The following IPCEF1 variants were observed in gnomAD, a reference collection of about 807,000 sequenced individuals.
The protein encoded by IPCEF1 is interactor protein for cytohesin exchange factors 1.
IPCEF1 carries 31 observed loss-of-function variants against 50.9 expected under a neutral mutation model. The ratio of observed to expected loss-of-function variants is 0.61; its 90% CI spans 0.46 to 0.82. The LOEUF is 0.82. Ranked by LOEUF, IPCEF1 falls within the 40% of genes least tolerant of loss-of-function variation. IPCEF1 has a pLI of 0.00. For missense variants in IPCEF1, 458 were observed against 514.0 expected, an observed-to-expected ratio of 0.89 and a Z score of 1.05; for synonymous variants, 181 against 192.0, an observed-to-expected ratio of 0.94 and a Z score of 0.47.
intron 3 of IPCEF1, among the ~76,000 whole-genome samples, chr6:154,256,191 C>T (rs949332047): frequency 6.6e-6 from 1 of 152,086 alleles, no homozygotes; most frequent in African/African-American, 2.4e-5. Context: ...CTGGTGAGGG[C>T]CCTCTTACTG....
intron 5 of IPCEF1, among the ~76,000 whole-genome samples, chr6:154,226,616 A>G (rs1779272215): frequency 6.6e-6 from 1 of 152,184 alleles, no homozygotes; most frequent in South Asian, 2.1e-4. Flanking sequence ...GAATTACCGC[A>G]AAAGTCTCCT....
intron 7 of IPCEF1, among the ~76,000 whole-genome samples, chr6:154,215,965 T>C (rs956449334): frequency 6.6e-6 from 1 of 152,230 alleles, no homozygotes; most frequent in African/African-American, 2.4e-5. Context: ...AAAAATATTA[T>C]TGATTTCAAG....
intron 1 of IPCEF1, among the ~76,000 whole-genome samples, chr6:154,323,952 T>C (rs1383701780): frequency 6.6e-6 from 1 of 152,160 alleles, no homozygotes; most frequent in East Asian, 1.9e-4. Context: ...AAACTCCATC[T>C]TAAAAATACA....
At chr6:154,174,290 T>C (rs1226777342) in intron 10 of IPCEF1, among the ~76,000 whole-genome samples, 1 of 152,170 alleles carries the variant, frequency 6.6e-6, no homozygotes, top group African/African-American at 2.4e-5. Flanking sequence ...CTAGCTAGCA[T>C]CATAATGACA....
chr6:154,238,232 G>C (rs1387882592), intron 5 of IPCEF1, among the ~76,000 whole-genome samples: 1 of 152,002 alleles, frequency 6.6e-6, no homozygotes, highest in Non-Finnish European at 1.5e-5. Flanking sequence ...GTCTAAACTC[G>C]TGCCATGGTG....
At chr6:154,249,717 A>G (rs1274687292) in intron 3 of IPCEF1, among the ~76,000 whole-genome samples, 1 of 151,908 alleles carries the variant, frequency 6.6e-6, no homozygotes, top group Non-Finnish European at 1.5e-5. Context: ...TCCTCCACCC[A>G]TTCCTTGTGA....
chr6:154,342,522 A>G (rs554323877), intron 1 of IPCEF1, among the ~76,000 whole-genome samples: 30 of 152,108 alleles, frequency 2.0e-4, no homozygotes, highest in Non-Finnish European at 4.4e-4. Flanking sequence ...TTGCGACTCA[A>G]GTGATCCTCC....
At chr6:154,247,561 G>C in intron 3 of IPCEF1, 73 bp from the exon 4 acceptor site, 2 of 1,307,722 alleles carry the variant, frequency 1.5e-6, no homozygotes, top group Non-Finnish European at 2.2e-6. Context: ...GAGAAGGAGG[G>C]AGGAGGTGGC....
chr6:154,313,535 T>G (rs1783136888), intron 1 of IPCEF1, among the ~76,000 whole-genome samples: 1 of 152,184 alleles, frequency 6.6e-6, no homozygotes, highest in South Asian at 2.1e-4. Context: ...CTTTACTACT[T>G]TTCTATACTA....
chr6:154,317,896 C>G lies in IPCEF1; in HGVS notation c.-61-28140G>C, dbSNP rs150174692. On this transcript the variant is annotated intron_variant, in intron 1 of 11. Coordinates refer to ENST00000367220, the MANE Select transcript of IPCEF1 (RefSeq NM_001130700.2). ...ACGCAAAGATTTGTCTATGAATATT[C>G]ATAGCTAGTTTGCTTATAATTCAGG... Among the ~76,000 whole-genome samples the G allele has an allele frequency of 3.9e-5, 6 of 152,212 alleles. No homozygotes were observed. The East Asian group carries it at 1.2e-3, about 29-fold the overall frequency.
chr6:154,246,482 C>T (rs761452746), intron 5 of IPCEF1, 109 bp downstream of exon 5: 80 of 1,260,162 alleles, frequency 6.3e-5, no homozygotes, highest in Non-Finnish European at 7.2e-5. Flanking sequence ...TTATTTACTC[C>T]GCTCCAATTC....
chr6:154,159,788 C>A lies in IPCEF1; in HGVS notation c.*40G>T. 1.3e-6 allele frequency: 2 copies of A among 1,485,528 alleles called. No homozygotes were observed. The highest frequency in any genetic ancestry group is 1.9e-6 in the Non-Finnish European group (2 of 1,072,616). 92.0% of individuals were successfully genotyped at this position (1,485,528 alleles called of 1,614,324 possible). ...GCTTTTGCAACATCTTGAAGAGTTGCTTGTGATAAAATATAAGAGGAGAAA... is the reference window on the plus strand; with the variant it reads ...GCTTTTGCAACATCTTGAAGAGTTGATTGTGATAAAATATAAGAGGAGAAA... On this transcript the variant is annotated 3_prime_UTR_variant, in exon 12 of 12. Transcript: ENST00000367220.
chr6:154,214,548 A>G (rs1250187449), intron 7 of IPCEF1, among the ~76,000 whole-genome samples: 1 of 152,214 alleles, frequency 6.6e-6, no homozygotes, highest in East Asian at 1.9e-4. Flanking sequence ...AAATATATGA[A>G]CAAACACATC....
At chr6:154,313,444 G>T (rs1783135539) in intron 1 of IPCEF1, among the ~76,000 whole-genome samples, 1 of 151,834 alleles carries the variant, frequency 6.6e-6, no homozygotes. Context: ...CAATAGATAG[G>T]TTGTATTTCA....
chr6:154,179,510 T>G (rs1371448731), intron 10 of IPCEF1, among the ~76,000 whole-genome samples: 1 of 152,150 alleles, frequency 6.6e-6, no homozygotes, highest in Non-Finnish European at 1.5e-5. Flanking sequence ...CCCCCCCTTA[T>G]CTTCTGAAGC....
intron 1 of IPCEF1, among the ~76,000 whole-genome samples, chr6:154,290,466 T>G (rs1306555541): frequency 1.3e-5 from 2 of 152,152 alleles, no homozygotes; most frequent in Non-Finnish European, 1.5e-5. Context: ...GTACTTTACT[T>G]CCTTTTGTTC....
At chr6:154,197,885 G>C (rs928238732) in intron 10 of IPCEF1, among the ~76,000 whole-genome samples, 3 of 152,146 alleles carry the variant, frequency 2.0e-5, no homozygotes, top group Admixed American at 2.0e-4. Flanking sequence ...ATTAAAGTAA[G>C]CGTTTGTAGG....
At chr6:154,180,403 TATATATATA>T (rs1180437532) in intron 10 of IPCEF1, among the ~76,000 whole-genome samples, 85 of 42,832 alleles carry the variant, frequency 2.0e-3, no homozygotes, top group African/African-American at 5.7e-3. Flanking sequence ...TATATATATA[TATATATATA>T]TATTTTTTTT....
intron 3 of IPCEF1, among the ~76,000 whole-genome samples, chr6:154,255,207 G>A (rs577975605): frequency 4.3e-4 from 66 of 152,162 alleles, no homozygotes; most frequent in Middle Eastern, 3.4e-3. Flanking sequence ...CTGTTTAGGA[G>A]GGTGCCTCTT....
Sources: allele counts gnomAD v4.1 joint callset (sites outside exome capture counted in the v4.1 genomes callset), GRCh38; gene constraint gnomAD v4.1.1; transcripts MANE v1.5; gene names NCBI Gene and HGNC (gene_info 2026-07-23, HGNC 2026-07-21).